The following SEPTIN11 variants were observed in gnomAD, a reference collection of about 807,000 sequenced individuals.
SEPTIN11 encodes septin 11, also known as septin-11.
SEPTIN11 carries 25 observed loss-of-function variants against 51.4 expected under a neutral mutation model. The ratio of observed to expected loss-of-function variants is 0.49; its 90% CI spans 0.35 to 0.68. The LOEUF (loss-of-function observed/expected upper bound fraction) is 0.68. Among genes scored for constraint, SEPTIN11 ranks in the 30% least tolerant of loss-of-function variants. The pLI is 0.00. For missense variants in SEPTIN11, 381 were observed against 520.8 expected (o/e 0.73, Z 2.61); for synonymous variants, 174 against 184.1 (o/e 0.95, Z 0.44).
At chr4:76,969,468 C>G (rs1366115132) in intron 1 of SEPTIN11, among the ~76,000 whole-genome samples, 1 of 152,110 alleles carries the variant, frequency 6.6e-6, no homozygotes, top group Non-Finnish European at 1.5e-5. Context: ...TTGAACTTCA[C>G]TTTGAAAGTT....
At chr4:76,964,945 A>G (rs1000741923) in intron 1 of SEPTIN11, among the ~76,000 whole-genome samples, 3 of 152,160 alleles carry the variant, frequency 2.0e-5, no homozygotes, top group African/African-American at 7.2e-5. Flanking sequence ...GCTCATATCA[A>G]GTGGCCCAGT....
chr4:77,030,373 G>T (rs2109984851), intron 8 of SEPTIN11, among the ~76,000 whole-genome samples: 1 of 152,280 alleles, frequency 6.6e-6, no homozygotes, highest in Non-Finnish European at 1.5e-5. Flanking sequence ...ATTAAAGCCA[G>T]TGCAGCCACA....
chr4:76,950,101 G>A (rs1194924950), intron 1 of SEPTIN11, among the ~76,000 whole-genome samples, 171 bp downstream of exon 1: 2 of 152,176 alleles, frequency 1.3e-5, no homozygotes, highest in African/African-American at 4.8e-5. Context: ...GGGGTTAGGA[G>A]CCCAGGGGCT....
At chr4:77,031,759 G>A (rs538889533) in intron 9 of SEPTIN11, 6 of 152,290 alleles carry the variant, frequency 3.9e-5, no homozygotes, top group East Asian at 1.9e-4. Context: ...CAGGAAGCAC[G>A]ATGGTAAGAA....
At chr4:76,997,230 T>C (rs976602164) in intron 2 of SEPTIN11, among the ~76,000 whole-genome samples, 1 of 152,216 alleles carries the variant, frequency 6.6e-6, no homozygotes, top group Non-Finnish European at 1.5e-5. Flanking sequence ...TGGTTTGGGC[T>C]GTGTTGATCT....
At chr4:76,976,276 C>T (rs559252654) in intron 1 of SEPTIN11, among the ~76,000 whole-genome samples, 1 of 152,160 alleles carries the variant, frequency 6.6e-6, no homozygotes, top group South Asian at 2.1e-4. Flanking sequence ...TTAAAATACC[C>T]CTTTTGATAC....
downstream of SEPTIN11, chr4:77,039,029 A>C: frequency 8.3e-7 from 1 of 1,210,470 alleles, no homozygotes; most frequent in Non-Finnish European, 1.1e-6. Context: ...TAAGCCATTA[A>C]GAATCAAATT....
chr4:76,997,830 T>C (rs925536940), intron 2 of SEPTIN11, among the ~76,000 whole-genome samples: 1 of 152,222 alleles, frequency 6.6e-6, no homozygotes, highest in African/African-American at 2.4e-5. Context: ...TGGGTTTCTA[T>C]TGAAAAGTAT....
At chr4:76,994,029 C>T (rs1723525506) in intron 1 of SEPTIN11, among the ~76,000 whole-genome samples, 1 of 152,102 alleles carries the variant, frequency 6.6e-6, no homozygotes, top group African/African-American at 2.4e-5. Flanking sequence ...AAAAACCCAG[C>T]GATCCAGAAT....
Position 77,028,638 on chromosome 4 carries a change from G to A in SEPTIN11, c.963G>A (p.Glu321=). Residue 321 remains glutamate, a synonymous_variant, in exon 8 of 10, where the codon GAG becomes GAA. Coordinates refer to ENST00000264893, the MANE Select transcript of SEPTIN11 (RefSeq NM_018243.4). ...TGTGGATTTTCAATAGTCTTCAGGA[G>A]ACATATGAAGCAAAAAGGAATGAAT... is the stretch of plus-strand genomic sequence containing the variant. ...DPDSKPFSLQ[E]TYEAKRNEFL... is the part of the protein sequence containing the mutation. 1 of 1,610,728 alleles carries A rather than the reference G, an allele frequency of 6.2e-7. No homozygotes were observed. Among genetic ancestry groups the A allele is most frequent in the Non-Finnish European group, 8.5e-7 (1 of 1,178,814 alleles).
intron 1 of SEPTIN11, among the ~76,000 whole-genome samples, chr4:76,980,958 C>T (rs1050905399): frequency 6.6e-6 from 1 of 152,192 alleles, no homozygotes; most frequent in Non-Finnish European, 1.5e-5. Context: ...TGTAATCATG[C>T]TATCAAGACT....
intron 9 of SEPTIN11, 103 bp from the exon 10 acceptor site, chr4:77,034,394 G>T: frequency 1.0e-6 from 1 of 979,282 alleles, no homozygotes; most frequent in South Asian, 2.3e-5. Context: ...ATCATTGCAT[G>T]AGCATTCACC....
At chr4:77,008,599 T>A (rs1724646209) in intron 3 of SEPTIN11, among the ~76,000 whole-genome samples, 1 of 152,200 alleles carries the variant, frequency 6.6e-6, no homozygotes, top group Admixed American at 6.5e-5. Flanking sequence ...GCAAGAATGA[T>A]CAGTGGGTAG....
chr4:77,034,847 C>T lies in SEPTIN11; in HGVS notation c.*335C>T, dbSNP rs932527019. The T allele has an allele frequency of 1.6e-5, 17 of 1,030,458 alleles. No homozygotes were observed. The Admixed American group carries it at 2.3e-4, about 14-fold the overall frequency. The allele number at this position is 1,030,458 out of a possible 1,614,324, so 63.8% of individuals were successfully genotyped here. ...AAAGTGGGGTAAAATGCTACCTGTACGTCTGACATGAAAACTTCTCACCGC... is the reference window on the plus strand; with the variant it reads ...AAAGTGGGGTAAAATGCTACCTGTATGTCTGACATGAAAACTTCTCACCGC... On this transcript the variant is annotated 3_prime_UTR_variant, in exon 10 of 10. Transcript: ENST00000264893.
Position 76,987,494 on chromosome 4 carries a change from T to G in SEPTIN11, c.28-8931T>G, listed in dbSNP as rs538230864. ...CTTAGCTTTGAAAGCATCCCGATGC[T>G]GGCTTCATAGCTGTGGTTTGGGTCA... On this transcript the variant is annotated intron_variant, in intron 1 of 9. Coordinates refer to ENST00000264893, the MANE Select transcript of SEPTIN11 (RefSeq NM_018243.4). Among the ~76,000 whole-genome samples the G allele has an allele frequency of 5.4e-4, 83 of 152,342 alleles. 1 individual carries two copies. In the South Asian group the frequency reaches 0.017, roughly 31 times the overall value.
intron 5 of SEPTIN11, among the ~76,000 whole-genome samples, chr4:77,015,259 A>T (rs1725138931): frequency 6.6e-6 from 1 of 152,206 alleles, no homozygotes; most frequent in Non-Finnish European, 1.5e-5. Flanking sequence ...CGATTTCTAC[A>T]GCAAATCTTG....
intron 7 of SEPTIN11, among the ~76,000 whole-genome samples, chr4:77,023,351 T>C (rs953476753): frequency 6.8e-5 from 10 of 146,864 alleles, no homozygotes; most frequent in African/African-American, 2.5e-4. Flanking sequence ...ATTACTAATA[T>C]ATGATATAAT....
At chr4:76,987,878 C>G in intron 1 of SEPTIN11, 2 of 949,330 alleles carry the variant, frequency 2.1e-6, no homozygotes, top group Non-Finnish European at 2.5e-6. Context: ...GGGGTATGTA[C>G]TTCTTCTCTT....
At position 77,038,426 on chromosome 4, in the gene SEPTIN11, CTT is replaced by C. The variant is rs1727179190; in HGVS notation, c.*3919_*3920del. The C allele has an allele frequency of 2.0e-6, 2 of 985,424 alleles. No homozygotes were observed. Among genetic ancestry groups the C allele is most frequent in the African/African-American group, 1.7e-5 (1 of 57,182 alleles). The allele number at this position is 985,424 out of a possible 1,614,324, so 61.0% of individuals were successfully genotyped here. On this transcript the variant is annotated 3_prime_UTR_variant, in exon 10 of 10. Transcript: ENST00000264893. ...TGTAAGCTGCATGTTAGACATTTGT[CTT>C]TTTTAAACTAAAGTAATTGTATTGA...
Sources: gnomAD v4.1 joint callset for allele counts (sites outside exome capture counted in the v4.1 genomes callset) on GRCh38, gnomAD v4.1.1 for gene constraint, MANE v1.5 for transcripts, NCBI Gene and HGNC (gene_info 2026-07-23, HGNC 2026-07-21) for gene names.